FHL2: variants seen among roughly 807,000 people sequenced by gnomAD.
FHL2 encodes the protein four and a half LIM domains protein 2.
In FHL2, 20 loss-of-function variants were observed where a neutral mutation model predicts 32.7. The ratio of observed to expected loss-of-function variants is 0.61; its 90% CI spans 0.43 to 0.89. The LOEUF (loss-of-function observed/expected upper bound fraction) is 0.89, where lower values mean the gene tolerates loss of function less well. FHL2 is among the 40% of genes least tolerant of loss of function. The probability of loss-of-function intolerance (pLI) is 0.00; values close to 1 mark genes in which losing one functional copy is unlikely to be tolerated. For missense variants in FHL2, 311 were observed against 358.6 expected, an observed-to-expected ratio of 0.87 and a Z score of 1.07; for synonymous variants, 123 against 128.1, an observed-to-expected ratio of 0.96 and a Z score of 0.27.
At chr2:105,408,982 C>T (rs1267657283) in intron 1 of FHL2, among the ~76,000 whole-genome samples, 2 of 152,098 alleles carry the variant, frequency 1.3e-5, no homozygotes, top group African/African-American at 4.8e-5. Flanking sequence ...CAAGGCAGCA[C>T]CAGGTCATGG....
At chr2:105,400,686 A>ATTTTTTTTT (rs57296524), upstream of FHL2, among the ~76,000 whole-genome samples, 1 of 132,804 alleles carries the variant, frequency 7.5e-6, no homozygotes, top group Admixed American at 7.7e-5. Context: ...TTATATTTTA[A>ATTTTTTTTT]TTTTTTTTTT....
rs542377148 is a variant in FHL2 at position 105,417,109 on chromosome 2, C to T, written c.-25+21290G>A. On this transcript the variant is annotated intron_variant, in intron 1 of 5. Transcript: ENST00000393352. ...TAAAAAGATGTGTGTTGCGGCCGGG[C>T]GCGGTGGCTCACGCCGGTAATCCCA... 2.4e-4 allele frequency among the ~76,000 whole-genome samples: 36 copies of T among 152,286 alleles called. No homozygotes were observed. The South Asian group carries it at 4.6e-3, about 19-fold the overall frequency.
chr2:105,366,579 GAGTC>G (rs931770700), intron 5 of FHL2, among the ~76,000 whole-genome samples: 16 of 152,322 alleles, frequency 1.1e-4, no homozygotes, highest in African/African-American at 3.8e-4. Flanking sequence ...GTGTGTCTAA[GAGTC>G]AGAGGGCACA....
At chr2:105,417,387 GA>G (rs1015725262) in intron 1 of FHL2, among the ~76,000 whole-genome samples, 15 of 126,976 alleles carry the variant, frequency 1.2e-4, no homozygotes, top group East Asian at 4.8e-4. Flanking sequence ...TCTCAAAAAA[GA>G]AAAAAAAAAT....
intron 1 of FHL2, among the ~76,000 whole-genome samples, chr2:105,419,541 G>T (rs990862912): frequency 6.6e-6 from 1 of 152,204 alleles, no homozygotes; most frequent in Non-Finnish European, 1.5e-5. Context: ...ACTGGAAACA[G>T]AAAGTCAGCA....
intron 1 of FHL2, among the ~76,000 whole-genome samples, chr2:105,425,411 G>A (rs1178699189): frequency 6.6e-6 from 1 of 152,180 alleles, no homozygotes; most frequent in African/African-American, 2.4e-5. Context: ...TTCTCCCCAT[G>A]TGATAGTCTG....
intron 1 of FHL2, among the ~76,000 whole-genome samples, chr2:105,431,469 T>A (rs1460679363): frequency 1.3e-5 from 2 of 152,118 alleles, no homozygotes; most frequent in Non-Finnish European, 2.9e-5. Context: ...GAGGAAGGCA[T>A]GTGATTGTCT....
chr2:105,408,864 C>T (rs943494077), intron 1 of FHL2, among the ~76,000 whole-genome samples: 12 of 152,256 alleles, frequency 7.9e-5, no homozygotes, highest in African/African-American at 2.6e-4. Context: ...TTACTTTCTT[C>T]CCCTTTCCGT....
chr2:105,418,727 G>A (rs771114218), intron 1 of FHL2, among the ~76,000 whole-genome samples: 10 of 152,006 alleles, frequency 6.6e-5, no homozygotes, highest in Non-Finnish European at 1.3e-4. Flanking sequence ...CTCTTTCCAC[G>A]CTTTCAGTTA....
chr2:105,389,263 A>G (rs546762743), intron 2 of FHL2, among the ~76,000 whole-genome samples: 8 of 152,340 alleles, frequency 5.3e-5, no homozygotes, highest in Admixed American at 2.0e-4. Flanking sequence ...CTGAAGCCCA[A>G]CGTATAAATA....
intron 3 of FHL2, among the ~76,000 whole-genome samples, chr2:105,374,866 G>C (rs1681351726): frequency 6.6e-6 from 1 of 152,158 alleles, no homozygotes; most frequent in Admixed American, 6.5e-5. Context: ...TATACATGAG[G>C]CAGAAACAGA....
intron 1 of FHL2, among the ~76,000 whole-genome samples, chr2:105,420,136 C>T (rs1684054673): frequency 6.6e-6 from 1 of 152,196 alleles, no homozygotes; most frequent in South Asian, 2.1e-4. Context: ...AATTTATTGT[C>T]TCCAAGTTTT....
At chr2:105,413,361 C>A (rs937446308) in intron 1 of FHL2, among the ~76,000 whole-genome samples, 2 of 152,122 alleles carry the variant, frequency 1.3e-5, no homozygotes, top group African/African-American at 2.4e-5. Flanking sequence ...GATTTATTTT[C>A]TTTCCACTCT....
At chr2:105,419,334 T>G (rs1425673247) in intron 1 of FHL2, among the ~76,000 whole-genome samples, 1 of 152,218 alleles carries the variant, frequency 6.6e-6, no homozygotes, top group East Asian at 1.9e-4. Context: ...GCACCCAATT[T>G]GTAGTCTTTT....
intron 1 of FHL2, among the ~76,000 whole-genome samples, chr2:105,434,792 T>A (rs1269515501): frequency 3.9e-5 from 6 of 152,140 alleles, no homozygotes; most frequent in East Asian, 3.9e-4. Context: ...CTTTTTTTTT[T>A]AAATGGGGTC....
chr2:105,429,296 A>G (rs921425003), intron 1 of FHL2, among the ~76,000 whole-genome samples: 21 of 152,212 alleles, frequency 1.4e-4, no homozygotes, highest in Admixed American at 5.2e-4. Flanking sequence ...GCACATCTGA[A>G]TTCCTGGAAC....
At chr2:105,416,420 G>A (rs930178424) in intron 1 of FHL2, among the ~76,000 whole-genome samples, 24 of 152,288 alleles carry the variant, frequency 1.6e-4, no homozygotes, top group Admixed American at 1.2e-3. Context: ...CAGAAATGTC[G>A]TTGGAAAAGA....
chr2:105,398,769 G>C, intron 1 of FHL2, 73 bp downstream of exon 1: 7 of 1,182,864 alleles, frequency 5.9e-6, no homozygotes, highest in South Asian at 2.3e-5. Flanking sequence ...CCTTTCTCCC[G>C]GCTTCTCCCC....
At chr2:105,427,809 C>A (rs186837436) in intron 1 of FHL2, among the ~76,000 whole-genome samples, 1 of 152,250 alleles carries the variant, frequency 6.6e-6, no homozygotes, top group Non-Finnish European at 1.5e-5. Context: ...AGAGAAGGGA[C>A]CCCCTCTGAC....
Sources: gnomAD v4.1 joint callset for allele counts (sites outside exome capture counted in the v4.1 genomes callset) on GRCh38, gnomAD v4.1.1 for gene constraint, MANE v1.5 for transcripts, NCBI Gene and HGNC (gene_info 2026-07-23, HGNC 2026-07-21) for gene names.